NEGR1: variants seen among roughly 807,000 people sequenced by gnomAD.
The protein encoded by NEGR1 is IgLON family member 4.
Under a neutral mutation model 40.9 loss-of-function variants are expected in NEGR1, and 10 were observed. The ratio of observed to expected loss-of-function variants is 0.24; its 90% CI spans 0.15 to 0.42. NEGR1 has a LOEUF of 0.42. NEGR1 is among the 10% of genes least tolerant of loss of function. The pLI is 1.00. For synonymous variants in NEGR1, 185 were observed against 166.8 expected (o/e 1.11, Z -0.84); for missense variants, 352 against 438.9 (o/e 0.80, Z 1.77).
At chr1:71,434,989 G>T (rs1216583173) in intron 6 of NEGR1, among the ~76,000 whole-genome samples, 1 of 152,050 alleles carries the variant, frequency 6.6e-6, no homozygotes, top group Non-Finnish European at 1.5e-5. Context: ...TACTCGGGAG[G>T]CTGAGGCAGG....
intron 1 of NEGR1, among the ~76,000 whole-genome samples, chr1:71,965,120 C>T (rs1646199817): frequency 6.6e-6 from 1 of 152,092 alleles, no homozygotes; most frequent in Admixed American, 6.6e-5. Flanking sequence ...GAGGGTCACA[C>T]AAATAGTTAC....
chr1:72,194,563 T>C (rs1445481683), intron 1 of NEGR1, among the ~76,000 whole-genome samples: 2 of 151,908 alleles, frequency 1.3e-5, no homozygotes, highest in Admixed American at 1.3e-4. Context: ...TGGGGGATAG[T>C]AAAAACTGAA....
chr1:71,832,295 G>C (rs1658869533), intron 2 of NEGR1, among the ~76,000 whole-genome samples: 1 of 152,016 alleles, frequency 6.6e-6, no homozygotes, highest in African/African-American at 2.4e-5. Flanking sequence ...GACGATCAAA[G>C]TGAGACACCA....
At chr1:71,607,174 TA>T (rs1289745510) in intron 5 of NEGR1, among the ~76,000 whole-genome samples, 1 of 152,168 alleles carries the variant, frequency 6.6e-6, no homozygotes, top group Non-Finnish European at 1.5e-5. Context: ...TGTTCCCAGT[TA>T]AAGACCTCAG....
chr1:71,801,592 A>G (rs533814381), intron 2 of NEGR1, among the ~76,000 whole-genome samples: 1 of 152,292 alleles, frequency 6.6e-6, no homozygotes, highest in African/African-American at 2.4e-5. Flanking sequence ...AATCCTTGAA[A>G]TCACCCTTGG....
intron 6 of NEGR1, among the ~76,000 whole-genome samples, chr1:71,587,285 G>C (rs1160227521): frequency 6.6e-6 from 1 of 152,128 alleles, no homozygotes; most frequent in African/African-American, 2.4e-5. Context: ...GAAAGGTACT[G>C]TTCGCTTGCA....
At chr1:71,486,087 G>A (rs985887097) in intron 6 of NEGR1, among the ~76,000 whole-genome samples, 1 of 151,630 alleles carries the variant, frequency 6.6e-6, no homozygotes, top group East Asian at 1.9e-4. Flanking sequence ...AGTTCCTGTT[G>A]CTTCACATTC....
chr1:72,222,327 C>T (rs139854781), intron 1 of NEGR1, among the ~76,000 whole-genome samples: 69 of 152,302 alleles, frequency 4.5e-4, no homozygotes, highest in South Asian at 4.1e-3. Context: ...CAAGCACGCT[C>T]ATGGACCACA....
At chr1:71,714,795 C>T (rs1176875631) in intron 3 of NEGR1, among the ~76,000 whole-genome samples, 4 of 152,244 alleles carry the variant, frequency 2.6e-5, no homozygotes, top group Non-Finnish European at 5.9e-5. Context: ...GCTCTCCCAG[C>T]TGCTTTCACA....
intron 2 of NEGR1, among the ~76,000 whole-genome samples, chr1:71,859,687 TTTAC>T (rs1659886754): frequency 6.6e-6 from 1 of 152,030 alleles, no homozygotes; most frequent in Non-Finnish European, 1.5e-5. Flanking sequence ...TAGTATGCAT[TTTAC>T]TTATTTTACC....
chr1:71,898,951 TATATATATATAGC>T (rs1185384502), intron 2 of NEGR1, among the ~76,000 whole-genome samples: 1 of 115,518 alleles, frequency 8.7e-6, no homozygotes, highest in African/African-American at 3.7e-5. Flanking sequence ...ATATTGCAAA[TATATATATATAGC>T]ATATATATAT....
At chr1:71,977,120 T>C (rs1412254860) in intron 1 of NEGR1, among the ~76,000 whole-genome samples, 1 of 152,010 alleles carries the variant, frequency 6.6e-6, no homozygotes, top group Admixed American at 6.6e-5. Context: ...GTCAGGAGTT[T>C]GAGACCAATC....
At chr1:71,667,275 T>C (rs1207777069) in intron 4 of NEGR1, among the ~76,000 whole-genome samples, 2 of 152,240 alleles carry the variant, frequency 1.3e-5, no homozygotes, top group Admixed American at 6.5e-5. Context: ...ATGTTTTTAG[T>C]AATTCAATAC....
intron 3 of NEGR1, among the ~76,000 whole-genome samples, chr1:71,743,961 T>C (rs1332204310): frequency 1.3e-5 from 2 of 152,164 alleles, no homozygotes; most frequent in Non-Finnish European, 2.9e-5. Context: ...GGAAATATGA[T>C]CTGTCTTGTA....
At chr1:71,434,114 G>T (rs1646488748) in intron 6 of NEGR1, among the ~76,000 whole-genome samples, 1 of 151,946 alleles carries the variant, frequency 6.6e-6, no homozygotes, top group Non-Finnish European at 1.5e-5. Flanking sequence ...TAAATATATT[G>T]AGAAAGTTTT....
At chr1:72,010,043 G>T (rs1209403866) in intron 1 of NEGR1, among the ~76,000 whole-genome samples, 1 of 152,132 alleles carries the variant, frequency 6.6e-6, no homozygotes, top group African/African-American at 2.4e-5. Flanking sequence ...GCAAAAAGGA[G>T]ATTTAAAAAT....
At chr1:71,854,306 G>T (rs909202382) in intron 2 of NEGR1, among the ~76,000 whole-genome samples, 1 of 151,742 alleles carries the variant, frequency 6.6e-6, no homozygotes, top group Non-Finnish European at 1.5e-5. Flanking sequence ...CTTATACTTC[G>T]GGCCCAAATT....
chr1:71,880,800 A>AT (rs1296007827), intron 2 of NEGR1, among the ~76,000 whole-genome samples: 1 of 151,960 alleles, frequency 6.6e-6, no homozygotes, highest in Non-Finnish European at 1.5e-5. Context: ...AGCTATGAGC[A>AT]TTTTTTTAGA....
At chr1:71,695,975 C>T (rs1341959461) in intron 4 of NEGR1, among the ~76,000 whole-genome samples, 1 of 151,774 alleles carries the variant, frequency 6.6e-6, no homozygotes, top group Admixed American at 6.6e-5. Context: ...TAGCCCTCAT[C>T]TTATCACCTT....
Sources: gnomAD v4.1 joint callset for allele counts (sites outside exome capture counted in the v4.1 genomes callset) on GRCh38, gnomAD v4.1.1 for gene constraint, MANE v1.5 for transcripts, NCBI Gene and HGNC (gene_info 2026-07-23, HGNC 2026-07-21) for gene names.